Variants in CNTN5 observed in about 807,000 individuals in gnomAD.
CNTN5 encodes the protein contactin-5.
Under a neutral mutation model 129.1 loss-of-function variants are expected in CNTN5, and 77 were observed. The ratio of observed to expected loss-of-function variants is 0.60; its 90% CI spans 0.50 to 0.72. The LOEUF is 0.72. Among genes scored for constraint, CNTN5 ranks in the 30% least tolerant of loss-of-function variants. The pLI is 0.00. For missense variants in CNTN5, 1,478 were observed against 1,328.8 expected (o/e 1.11, Z -1.75); for synonymous variants, 509 against 465.6 (o/e 1.09, Z -1.20).
intron 7 of CNTN5, among the ~76,000 whole-genome samples, chr11:99,933,347 T>C (rs1016519950): frequency 6.6e-6 from 1 of 152,192 alleles, no homozygotes; most frequent in Non-Finnish European, 1.5e-5. Context: ...ATTAGTTTTA[T>C]TGAGGTATAT....
rs192644793 is a variant in CNTN5 at position 99,492,945 on chromosome 11, G to A, written c.-70-63200G>A. ...CAGAGATGAGGACGTGTTTTTCTCT[G>A]GGAACAGGAAAAGTCCCTCTGGAAT... On this transcript the variant is annotated intron_variant, in intron 2 of 24. Transcript: ENST00000524871. 3.2e-4 allele frequency among the ~76,000 whole-genome samples: 49 copies of A among 152,122 alleles called. No homozygotes were observed. In the East Asian group the frequency reaches 4.5e-3, roughly 14 times the overall value.
chr11:100,289,834 A>G (rs1173871764), intron 18 of CNTN5, among the ~76,000 whole-genome samples: 72 of 150,474 alleles, frequency 4.8e-4, no homozygotes, highest in Admixed American at 9.3e-4. Context: ...CTGTTTGCAG[A>G]TGACATGATT....
chr11:99,791,482 A>G (rs187407997), intron 3 of CNTN5, among the ~76,000 whole-genome samples: 18 of 151,718 alleles, frequency 1.2e-4, no homozygotes, highest in East Asian at 3.9e-4. Context: ...TGGTCTCTCT[A>G]TTTTCTTCTA....
intron 17 of CNTN5, among the ~76,000 whole-genome samples, chr11:100,269,417 G>A (rs1950367003): frequency 6.6e-6 from 1 of 152,154 alleles, no homozygotes; most frequent in Admixed American, 6.5e-5. Flanking sequence ...GGAAGGAGAG[G>A]AAATGTTAAG....
chr11:99,372,024 G>T (rs1424278245), intron 2 of CNTN5, among the ~76,000 whole-genome samples: 1 of 152,180 alleles, frequency 6.6e-6, no homozygotes, highest in African/African-American at 2.4e-5. Context: ...GAGCGAAAGA[G>T]AATCCACATA....
At chr11:99,460,234 CTT>C (rs1027307877) in intron 2 of CNTN5, among the ~76,000 whole-genome samples, 8 of 151,008 alleles carry the variant, frequency 5.3e-5, no homozygotes, top group Non-Finnish European at 1.0e-4. Context: ...GAAATTATCT[CTT>C]AAATAGAAAT....
At chr11:99,833,683 T>A (rs1947216713) in intron 4 of CNTN5, among the ~76,000 whole-genome samples, 1 of 152,212 alleles carries the variant, frequency 6.6e-6, no homozygotes, top group Non-Finnish European at 1.5e-5. Context: ...GCATCTGTAC[T>A]ACTGCTCCTA....
intron 2 of CNTN5, among the ~76,000 whole-genome samples, chr11:99,348,084 A>C (rs1938025810): frequency 6.6e-6 from 1 of 152,208 alleles, no homozygotes; most frequent in African/African-American, 2.4e-5. Context: ...AATTGCACAA[A>C]AGATCACTGC....
chr11:99,295,744 C>A (rs991221611), intron 1 of CNTN5, among the ~76,000 whole-genome samples: 1 of 151,776 alleles, frequency 6.6e-6, no homozygotes, highest in African/African-American at 2.4e-5. Flanking sequence ...GGCGCGGTGG[C>A]GGGCGCCTGT....
At chr11:99,608,101 A>T (rs1284740343) in intron 3 of CNTN5, among the ~76,000 whole-genome samples, 1 of 9,844 alleles carries the variant, frequency 1.0e-4, no homozygotes, top group South Asian at 0.01. Flanking sequence ...AGAGTATAAT[A>T]AAAAAAAAAA....
chr11:99,144,564 C>T (rs1449915994), intron 1 of CNTN5, among the ~76,000 whole-genome samples: 6 of 152,090 alleles, frequency 3.9e-5, no homozygotes, highest in African/African-American at 7.2e-5. Flanking sequence ...CCAGAATTTT[C>T]GTATTTGTTC....
intron 1 of CNTN5, among the ~76,000 whole-genome samples, chr11:99,141,936 A>G (rs1252722184): frequency 1.3e-5 from 2 of 152,180 alleles, no homozygotes; most frequent in Non-Finnish European, 2.9e-5. Flanking sequence ...TTTGCCATGT[A>G]CCTATGAGAA....
intron 7 of CNTN5, among the ~76,000 whole-genome samples, chr11:99,939,610 TCAAC>T (rs1204813519): frequency 1.4e-5 from 2 of 143,178 alleles, no homozygotes; most frequent in East Asian, 2.0e-4. Context: ...GTATCAATAG[TCAAC>T]CAAATATTTA....
At chr11:99,272,835 G>C (rs918211879) in intron 1 of CNTN5, among the ~76,000 whole-genome samples, 1 of 151,716 alleles carries the variant, frequency 6.6e-6, no homozygotes, top group African/African-American at 2.4e-5. Context: ...AATATTAGCA[G>C]AAGCATAAAT....
At chr11:99,131,866 T>C (rs1858956194) in intron 1 of CNTN5, among the ~76,000 whole-genome samples, 1 of 152,146 alleles carries the variant, frequency 6.6e-6, no homozygotes, top group African/African-American at 2.4e-5. Flanking sequence ...TTTCAAACAA[T>C]TGAACAGGAG....
chr11:99,911,462 A>G (rs547843253), intron 6 of CNTN5, among the ~76,000 whole-genome samples: 1 of 152,070 alleles, frequency 6.6e-6, no homozygotes, highest in Admixed American at 6.6e-5. Flanking sequence ...ACAGCGTTTT[A>G]CTTCTAATTG....
chr11:99,811,424 C>A (rs1041248214), intron 3 of CNTN5, among the ~76,000 whole-genome samples: 1 of 149,500 alleles, frequency 6.7e-6, no homozygotes, highest in Non-Finnish European at 1.5e-5. Context: ...TTTAGTTCTG[C>A]ATATTCTAAT....
Position 99,592,962 on chromosome 11 carries a change from G to A in CNTN5, c.55+36693G>A, listed in dbSNP as rs12224697. Among the ~76,000 whole-genome samples the A allele has an allele frequency of 6.6e-4, 101 of 152,186 alleles. 1 individual carries two copies. In the East Asian group the frequency reaches 0.017, roughly 26 times the overall value. ...AAACATTTTTTAATGTTTTGCAAACGAAATGTGAGAGAAAAAGGGAGGCAA... is the reference window on the plus strand; with the variant it reads ...AAACATTTTTTAATGTTTTGCAAACAAAATGTGAGAGAAAAAGGGAGGCAA... On this transcript the variant is annotated intron_variant, in intron 3 of 24. Coordinates refer to ENST00000524871, the MANE Select transcript of CNTN5 (RefSeq NM_014361.4).
chr11:99,144,779 C>T (rs927761594), intron 1 of CNTN5, among the ~76,000 whole-genome samples: 8 of 151,708 alleles, frequency 5.3e-5, no homozygotes, highest in African/African-American at 1.9e-4. Flanking sequence ...AATGATATCT[C>T]TTTGTTGAAT....
Sources: gnomAD v4.1 joint callset for allele counts (sites outside exome capture counted in the v4.1 genomes callset) on GRCh38, gnomAD v4.1.1 for gene constraint, MANE v1.5 for transcripts, NCBI Gene and HGNC (gene_info 2026-07-23, HGNC 2026-07-21) for gene names.